The following PRR12 variants were observed in gnomAD, a reference collection of about 807,000 sequenced individuals.
PRR12 encodes proline rich 12.
Under a neutral mutation model 138.0 loss-of-function variants are expected in PRR12, and 12 were observed. The observed-to-expected ratio is 0.09, with a 90% CI of 0.06 to 0.14. The LOEUF (loss-of-function observed/expected upper bound fraction) is 0.14. PRR12 is among the 10% of genes least tolerant of loss of function. The pLI is 1.00. For missense variants in PRR12, 2,692 were observed against 2,861.3 expected (o/e 0.94, Z 1.35); for synonymous variants, 1,567 against 1,291.7 (o/e 1.21, Z -4.57).
At chr19:49,593,650 C>T (rs1271485104) in intron 2 of PRR12, among the ~76,000 whole-genome samples, 1 of 152,164 alleles carries the variant, frequency 6.6e-6, no homozygotes, top group East Asian at 1.9e-4. Context: ...CGCCCCTCCC[C>T]TTTCGCTCCA....
At position 49,595,629 on chromosome 19, in the gene PRR12, G is replaced by A. The variant is rs747177899; in HGVS notation, c.1294G>A (p.Ala432Thr). ...AGCAGCCGCCTATGCCACTGGGAAG[G>A]CCTCTGGGGCTGGAGGGGCAGGGGG... ...GPAAAYATGK[A>T]SGAGGAGGQA... The change falls in exon 4 of 14, where the codon GCC becomes ACC. Residue 432 changes from alanine (A) to threonine (T), a missense_variant. This residue lies in a region of PRR12 where 523 missense variants were observed against 496.4 expected (regional missense o/e 1.05). Transcript: ENST00000418929. The A allele has an allele frequency of 2.5e-6, 4 of 1,607,058 alleles. No individual in the cohort carries two copies. Among genetic ancestry groups the A allele is most frequent in the East Asian group, 4.5e-5 (2 of 44,828 alleles).
Position 49,595,371 on chromosome 19 carries a change from C to T in PRR12, c.1036C>T (p.Pro346Ser). The T allele has an allele frequency of 6.5e-7, 1 of 1,539,676 alleles. No individual in the cohort carries two copies. The highest frequency in any genetic ancestry group is 8.8e-7 in the Non-Finnish European group (1 of 1,142,070). ...GGEPSPGAGE[P>S]SKAGPSGATA... is the part of the protein sequence containing the mutation. ...GGAGCCCTCCCCGGGTGCTGGGGAG[C>T]CTAGCAAGGCTGGTCCCAGCGGAGC... The change falls in exon 4 of 14, where the codon CCT (proline) becomes TCT (serine). Residue 346 changes from proline (P) to serine (S), a missense_variant. Around this residue, in one of 11 missense-constraint regions of PRR12, gnomAD observed 523 missense variants for 496.4 expected, o/e 1.05. Coordinates refer to ENST00000418929, the MANE Select transcript of PRR12 (RefSeq NM_020719.3).
In PRR12 at chr19:49,595,749, GC is replaced by G; in HGVS notation, c.1419del (p.Ser474AlafsTer117). 1 of 1,599,562 alleles carries G rather than the reference GC, an allele frequency of 6.3e-7. No homozygotes were observed. On this transcript the variant is annotated frameshift_variant, in exon 4 of 14. Coordinates refer to ENST00000418929, the MANE Select transcript of PRR12 (RefSeq NM_020719.3). LOFTEE classifies it high-confidence loss of function. ...GGGGCAGGCACAGGACTTGAGCAAA[GC>G]CCCCAGCTACTCAGGGGGCCCCCCA... ...GGGQAQDLSK[A>X]PSYSGGPPQP...
In PRR12 at chr19:49,595,492, C is replaced by T. The variant is rs1479225576; in HGVS notation, c.1157C>T (p.Ser386Leu). The T allele has an allele frequency of 4.5e-6, 7 of 1,555,868 alleles. No individual in the cohort carries two copies. The highest frequency in any genetic ancestry group is 3.9e-5 in the Admixed American group (2 of 51,860). The change falls in exon 4 of 14, where the codon TCG becomes TTG. Residue 386 changes from serine to leucine, a missense_variant. Ser to Leu is a moderately radical substitution (Grantham distance 145). Transcript: ENST00000418929. The part of the protein sequence containing the change: ...GGGGYRPIIQ[S>L]PGYKTGKGGY... ...GGAGGTTACCGCCCCATCATTCAGT[C>T]GCCTGGGTACAAGACGGGCAAAGGT...
chr19:49,598,148 A>G, intron 4 of PRR12, 135 bp downstream of exon 4: 1 of 1,032,100 alleles, frequency 9.7e-7, no homozygotes, highest in Non-Finnish European at 1.2e-6. Context: ...ATCTCGGTTC[A>G]CTGCAAGCTC....
chr19:49,620,529 C>T (rs534637233), intron 10 of PRR12, 52 bp downstream of exon 10: 4 of 1,541,668 alleles, frequency 2.6e-6, no homozygotes, highest in African/African-American at 2.8e-5. Flanking sequence ...TCTGAGGGAG[C>T]AGGTGCTGAG....
chr19:49,593,569 T>A (rs1417920242), intron 2 of PRR12, 130 bp downstream of exon 2: 1 of 573,124 alleles, frequency 1.7e-6, no homozygotes, highest in Non-Finnish European at 3.1e-6. Context: ...TTGCTGTGTC[T>A]CCTCTGATTG....
intron 4 of PRR12, among the ~76,000 whole-genome samples, chr19:49,598,656 A>G (rs916751803): frequency 2.6e-5 from 4 of 152,102 alleles, no homozygotes; most frequent in African/African-American, 9.7e-5. Context: ...CCTGGTCTCT[A>G]TTAAAAACAC....
At chr19:49,592,104 T>A (rs561285836) in intron 1 of PRR12, among the ~76,000 whole-genome samples, 1 of 148,516 alleles carries the variant, frequency 6.7e-6, no homozygotes, top group African/African-American at 2.5e-5. Context: ...GCACTGCTCT[T>A]GCAAAGGTGG....
At chr19:49,598,228 C>A (rs1365451936) in intron 4 of PRR12, among the ~76,000 whole-genome samples, 2 of 151,828 alleles carry the variant, frequency 1.3e-5, no homozygotes, top group Non-Finnish European at 2.9e-5. Flanking sequence ...TGCCCGCCAC[C>A]ACGCCCGGCT....
At chr19:49,598,123 G>A (rs1188875126) in intron 4 of PRR12, 110 bp downstream of exon 4, 4 of 1,167,998 alleles carry the variant, frequency 3.4e-6, no homozygotes, top group Non-Finnish European at 4.3e-6. Context: ...GTCCAGGCTG[G>A]AGTGCAGTGG....
rs775498837 is a variant in PRR12, at chr19:49,597,379, C to T, written c.3044C>T (p.Pro1015Leu). ...TPGLGLDPNKPPELPSTVNAE... is the reference protein window; with the variant it reads ...TPGLGLDPNKLPELPSTVNAE... The stretch of plus-strand genomic sequence containing the variant: ...GGCCTGGGCCTGGACCCCAACAAAC[C>T]GCCTGAACTGCCCTCCACGGTCAAC... Residue 1015 changes from proline to leucine, a missense_variant, in exon 4 of 14, where the codon CCG becomes CTG. By Grantham distance (98) the Pro-to-Leu change is moderately conservative. Around this residue, in one of 11 missense-constraint regions of PRR12, gnomAD observed 840 missense variants for 689.8 expected, o/e 1.22. Coordinates refer to ENST00000418929, the MANE Select transcript of PRR12 (RefSeq NM_020719.3). This position sits in a 1 kb window ranked among gnomAD's most constrained non-coding sequence, Gnocchi z 6.3. The T allele has an allele frequency of 2.6e-6, 4 of 1,538,046 alleles. No individual in the cohort carries two copies. Among genetic ancestry groups the T allele is most frequent in the East Asian group, 2.4e-5 (1 of 40,882 alleles).
In PRR12 at chr19:49,596,057, C is replaced by T. The variant is rs377186730; in HGVS notation, c.1722C>T (p.Thr574=). Residue 574 remains threonine (T), a synonymous_variant, in exon 4 of 14, where the codon ACC becomes ACT. Coordinates refer to ENST00000418929, the MANE Select transcript of PRR12 (RefSeq NM_020719.3). This position sits in a 1 kb window ranked among gnomAD's most constrained non-coding sequence, Gnocchi z 5.6. ...IIRPLQSPPA[T]GRPPGVGSPG... ...GTCCGCTCCAGTCACCGCCTGCCAC[C>T]GGCCGTCCACCTGGAGTCGGCTCTC... 96 of 1,601,444 alleles carry T rather than the reference C, an allele frequency of 6.0e-5. No homozygotes were observed. Among genetic ancestry groups the T allele is most frequent in the African/African-American group, 5.6e-4 (42 of 74,924 alleles).
rs1355091112 is a variant in PRR12, at chr19:49,597,934, C to CCCGGGG, written c.3609_3614dup (p.Gly1208_Arg1209dup). 1.9e-5 allele frequency: 26 copies of CCCGGGG among 1,404,158 alleles called. 1 individual carries two copies. Among genetic ancestry groups the CCCGGGG allele is most frequent in the Admixed American group, 6.8e-5 (2 of 29,580 alleles). 87.0% of individuals were successfully genotyped at this position (1,404,158 alleles called of 1,614,324 possible). ...ACGCCCACCGATGGCGCCAAGAAAC[C>CCCGGGG]CCGGGGCCGGGGCCGAGGCCGGGGT... On this transcript the variant is annotated inframe_insertion, in exon 4 of 14. Coordinates refer to ENST00000418929, the MANE Select transcript of PRR12 (RefSeq NM_020719.3). This position sits in a 1 kb window ranked among gnomAD's most constrained non-coding sequence, Gnocchi z 6.3.
At position 49,597,145 on chromosome 19, in the gene PRR12, C is replaced by T. The variant is rs1329530408; in HGVS notation, c.2810C>T (p.Ser937Phe). The T allele has an allele frequency of 6.4e-7, 1 of 1,551,788 alleles. No individual in the cohort carries two copies. The highest frequency in any genetic ancestry group is 1.4e-5 in the African/African-American group (1 of 73,300). ...VPLTSICFPD[S>F]LLQDEERSFF... ...CTCACCTCCATCTGCTTCCCTGACT[C>T]CTTGCTCCAAGACGAGGAGCGCAGC... is the stretch of plus-strand genomic sequence containing the variant. The change falls in exon 4 of 14, where the codon TCC becomes TTC. Residue 937 changes from serine (S) to phenylalanine (F), a missense_variant. Ser to Phe is a radical substitution (Grantham distance 155, BLOSUM62 -2). This residue lies in a region of PRR12 where 840 missense variants were observed against 689.8 expected (regional missense o/e 1.22). Coordinates refer to ENST00000418929, the MANE Select transcript of PRR12 (RefSeq NM_020719.3). The surrounding 1 kb of genome is among the most constrained non-coding windows in gnomAD (Gnocchi z 6.3).
chr19:49,623,910 G>A (rs1414911140), intron 11 of PRR12, among the ~76,000 whole-genome samples: 22 of 151,042 alleles, frequency 1.5e-4, no homozygotes, highest in Admixed American at 1.5e-3. Context: ...GGTTAGGATG[G>A]GGCTGGGAAT....
At chr19:49,615,130 A>G in intron 8 of PRR12, 121 bp downstream of exon 8, 2 of 1,391,814 alleles carry the variant, frequency 1.4e-6, no homozygotes, top group Non-Finnish European at 9.8e-7. Context: ...GACAGAGCCC[A>G]GAGAGAGAGG....
At chr19:49,615,307 G>A (rs927492944) in intron 8 of PRR12, among the ~76,000 whole-genome samples, 3 of 151,606 alleles carry the variant, frequency 2.0e-5, no homozygotes, top group Non-Finnish European at 4.4e-5. Context: ...AGGAGACAGA[G>A]ACCCAGAGAA....
At chr19:49,600,171 G>T (rs562835449) in intron 5 of PRR12, among the ~76,000 whole-genome samples, 83 of 152,326 alleles carry the variant, frequency 5.4e-4, no homozygotes, top group Non-Finnish European at 9.4e-4. Context: ...GCAGACACTG[G>T]AGAATGCAGG....
Sources: gnomAD v4.1 joint callset for allele counts (sites outside exome capture counted in the v4.1 genomes callset) on GRCh38, gnomAD v4.1.1 for gene constraint, gnomAD v4.1.1 regional missense constraint, Gnocchi (gnomAD v3.1) non-coding constraint, MANE v1.5 for transcripts, NCBI Gene and HGNC (gene_info 2026-07-23, HGNC 2026-07-21) for gene names.